The following RAP1GAP2 variants were observed in gnomAD, a reference collection of about 807,000 sequenced individuals.
RAP1GAP2 encodes the protein rap1 GTPase-activating protein 2.
RAP1GAP2 carries 27 observed loss-of-function variants against 95.0 expected under a neutral mutation model. The ratio of observed to expected loss-of-function variants is 0.28; its 90% CI spans 0.21 to 0.39. RAP1GAP2 has a LOEUF of 0.39. RAP1GAP2 is among the 10% of genes least tolerant of loss of function. The probability of loss-of-function intolerance (pLI) is 1.00; values close to 1 mark genes in which losing one functional copy is unlikely to be tolerated. For missense variants in RAP1GAP2, 771 were observed against 970.0 expected, an observed-to-expected ratio of 0.79 and a Z score of 2.72; for synonymous variants, 373 against 380.9, an observed-to-expected ratio of 0.98 and a Z score of 0.24.
intron 1 of RAP1GAP2, among the ~76,000 whole-genome samples, chr17:2,785,518 C>G (rs1238523586): frequency 1.3e-5 from 2 of 152,068 alleles, no homozygotes; most frequent in Admixed American, 1.3e-4. Context: ...CTTTTGTTAT[C>G]TGTAAATTCC....
At chr17:2,828,005 T>C (rs986493671) in intron 2 of RAP1GAP2, among the ~76,000 whole-genome samples, 1 of 152,110 alleles carries the variant, frequency 6.6e-6, no homozygotes, top group African/African-American at 2.4e-5. Flanking sequence ...AAGCATGAGA[T>C]GAGCCGAGCA....
intron 3 of RAP1GAP2, among the ~76,000 whole-genome samples, chr17:2,910,016 T>C (rs2042320098): frequency 6.6e-6 from 1 of 152,178 alleles, no homozygotes; most frequent in Non-Finnish European, 1.5e-5. Flanking sequence ...TAACCACCCA[T>C]GAGGGATTTA....
At chr17:2,959,854 G>A (rs1206878258) in intron 4 of RAP1GAP2, among the ~76,000 whole-genome samples, 1 of 152,220 alleles carries the variant, frequency 6.6e-6, no homozygotes, top group Non-Finnish European at 1.5e-5. Flanking sequence ...GGCCAGTTGC[G>A]GTGTCTCACA....
intron 11 of RAP1GAP2, among the ~76,000 whole-genome samples, chr17:2,987,005 T>C (rs1189025192): frequency 6.6e-6 from 1 of 152,224 alleles, no homozygotes; most frequent in Non-Finnish European, 1.5e-5. Flanking sequence ...AAGGGCCAGA[T>C]AGTAAATATT....
chr17:2,814,300 T>C (rs992064710), intron 2 of RAP1GAP2, among the ~76,000 whole-genome samples: 5 of 152,322 alleles, frequency 3.3e-5, no homozygotes, highest in African/African-American at 1.2e-4. Context: ...CCTCTTGATC[T>C]TCAGCTGCAG....
At chr17:2,925,585 C>T (rs781000505) in intron 3 of RAP1GAP2, among the ~76,000 whole-genome samples, 10 of 152,186 alleles carry the variant, frequency 6.6e-5, no homozygotes, top group Non-Finnish European at 1.5e-4. Context: ...GGACACAGAG[C>T]CACACCTTTG....
At chr17:2,912,062 C>G (rs1215581366) in intron 3 of RAP1GAP2, among the ~76,000 whole-genome samples, 2 of 152,226 alleles carry the variant, frequency 1.3e-5, no homozygotes, top group African/African-American at 4.8e-5. Context: ...CAGGGACCAG[C>G]AGAACGTCTG....
rs182236106 is a variant in RAP1GAP2 at position 3,007,546 on chromosome 17, A to G, written c.1360-465A>G. On this transcript the variant is annotated intron_variant, in intron 16 of 24. Transcript: ENST00000254695. Reference sequence around the variant, plus strand: ...TTGGGCCTTTGGCCTGGGCTCTTTGATGACATGGTGGCCAAGTTGTGCCTG... The same window carrying G: ...TTGGGCCTTTGGCCTGGGCTCTTTGGTGACATGGTGGCCAAGTTGTGCCTG... Among the ~76,000 whole-genome samples the G allele has an allele frequency of 2.5e-3, 383 of 152,258 alleles. 1 individual carries two copies. Among genetic ancestry groups the G allele is most frequent in the African/African-American group, 8.8e-3 (366 of 41,532 alleles).
chr17:2,761,994 T>A (rs2071260060), intron 1 of RAP1GAP2, among the ~76,000 whole-genome samples: 1 of 139,776 alleles, frequency 7.2e-6, no homozygotes, highest in South Asian at 2.4e-4. Context: ...TTTTTTTTTT[T>A]TTTTTTTTTT....
chr17:2,898,419 C>T (rs1185401763), intron 2 of RAP1GAP2, among the ~76,000 whole-genome samples: 1 of 152,212 alleles, frequency 6.6e-6, no homozygotes, highest in East Asian at 1.9e-4. Flanking sequence ...TCTTCCCTCC[C>T]CCACACTCTG....
At chr17:2,970,772 G>T (rs1048505623) in intron 8 of RAP1GAP2, among the ~76,000 whole-genome samples, 3 of 152,152 alleles carry the variant, frequency 2.0e-5, no homozygotes, top group African/African-American at 7.2e-5. Flanking sequence ...AGGCACAGTG[G>T]CTCATGCCTA....
At chr17:3,015,686 G>A (rs563903012) in intron 17 of RAP1GAP2, among the ~76,000 whole-genome samples, 5 of 152,136 alleles carry the variant, frequency 3.3e-5, no homozygotes, top group Admixed American at 2.0e-4. Context: ...GCATGGTTGC[G>A]GGCGCCTGTA....
At chr17:2,823,223 C>T (rs900556526) in intron 2 of RAP1GAP2, among the ~76,000 whole-genome samples, 5 of 152,082 alleles carry the variant, frequency 3.3e-5, no homozygotes, top group South Asian at 2.1e-4. Context: ...GAAGCCCTAT[C>T]GGCCAGGGAG....
chr17:3,026,065 A>G lies in RAP1GAP2; in HGVS notation c.1809A>G (p.Ile603Met), dbSNP rs2047104232. 6.2e-7 allele frequency: 1 copy of G among 1,613,744 alleles called. No homozygotes were observed. Among genetic ancestry groups the G allele is most frequent in the Non-Finnish European group, 8.5e-7 (1 of 1,179,696 alleles). Reference protein sequence around the residue: ...TPDGGHSSQEIKSETSSNPSS... With the variant: ...TPDGGHSSQEMKSETSSNPSS... ...ATGGTGGACACTCCTCTCAGGAGATAAAGTCTGAGACCTCATCCAATCCCA... is the reference window on the plus strand; with the variant it reads ...ATGGTGGACACTCCTCTCAGGAGATGAAGTCTGAGACCTCATCCAATCCCA... The change falls in exon 20 of 25, where the codon ATA becomes ATG. Residue 603 changes from isoleucine to methionine, a missense_variant. Physicochemically the swap from Ile to Met is conservative, Grantham distance 10 (BLOSUM62 1). Coordinates refer to ENST00000254695, the MANE Select transcript of RAP1GAP2 (RefSeq NM_015085.5).
intron 3 of RAP1GAP2, among the ~76,000 whole-genome samples, chr17:2,913,629 A>C (rs2042465846): frequency 6.6e-6 from 1 of 152,128 alleles, no homozygotes. Context: ...ATGCTTCTGG[A>C]AGATTACTCT....
intron 2 of RAP1GAP2, among the ~76,000 whole-genome samples, chr17:2,888,102 G>C (rs1223161138): frequency 1.3e-5 from 2 of 152,114 alleles, no homozygotes; most frequent in Admixed American, 6.6e-5. Flanking sequence ...CTGTCTCAGA[G>C]TTTTTAAAAA....
chr17:2,952,328 C>T (rs2043951794), intron 3 of RAP1GAP2, among the ~76,000 whole-genome samples: 1 of 152,170 alleles, frequency 6.6e-6, no homozygotes. Flanking sequence ...TGAGTGTACC[C>T]CTGTGCCTTA....
At chr17:2,889,264 T>G (rs895994766) in intron 2 of RAP1GAP2, among the ~76,000 whole-genome samples, 8 of 152,260 alleles carry the variant, frequency 5.3e-5, no homozygotes, top group African/African-American at 1.9e-4. Flanking sequence ...CAAATTGCAG[T>G]GGTGATGAGC....
intron 3 of RAP1GAP2, among the ~76,000 whole-genome samples, chr17:2,944,340 C>T (rs370935878): frequency 6.6e-6 from 1 of 152,132 alleles, no homozygotes; most frequent in Non-Finnish European, 1.5e-5. Context: ...CTACCAACTT[C>T]ATTCTTTGCA....
Sources: gnomAD v4.1 joint callset for allele counts (sites outside exome capture counted in the v4.1 genomes callset) on GRCh38, gnomAD v4.1.1 for gene constraint, MANE v1.5 for transcripts, NCBI Gene and HGNC (gene_info 2026-07-23, HGNC 2026-07-21) for gene names.